Variants in FRMPD4 observed in about 807,000 individuals in gnomAD.
FRMPD4 encodes the protein FERM and PDZ domain containing 4, also known as FERM and PDZ domain-containing protein 4.
A neutral mutation model predicts 94.1 loss-of-function variants in FRMPD4; 22 were observed. The ratio of observed to expected loss-of-function variants is 0.23; its 90% CI spans 0.17 to 0.33. The LOEUF (loss-of-function observed/expected upper bound fraction) is 0.33, where lower values mean the gene tolerates loss of function less well. Ranked by LOEUF, FRMPD4 falls within the 10% of genes least tolerant of loss-of-function variation. FRMPD4 has a pLI of 1.00. For synonymous variants in FRMPD4, 631 were observed against 548.6 expected (o/e 1.15, Z -2.10); for missense variants, 1,111 against 1,339.9 (o/e 0.83, Z 2.67).
chrX:12,096,158 A>G (rs2147503055), intron 3 of FRMPD4, among the ~76,000 whole-genome samples: 1 of 112,738 alleles, frequency 8.9e-6, no homozygotes, highest in African/African-American at 3.2e-5. Flanking sequence ...TTAAAACATT[A>G]TATCGGAAAC....
intron 3 of FRMPD4, among the ~76,000 whole-genome samples, chrX:12,068,378 G>GTTT (rs58093008): frequency 1.1e-4 from 12 of 110,409 alleles, no homozygotes; most frequent in African/African-American, 3.9e-4. Flanking sequence ...TAAAAATTTT[G>GTTT]TTTTTTTTCA....
chrX:11,990,923 G>T (rs1469509216), intron 3 of FRMPD4, among the ~76,000 whole-genome samples: 3 of 111,333 alleles, frequency 2.7e-5, no homozygotes, highest in Admixed American at 9.6e-5. Flanking sequence ...TTTGTTGGGA[G>T]AATTCATTTT....
At chrX:12,047,473 G>A (rs934921357) in intron 3 of FRMPD4, among the ~76,000 whole-genome samples, 160 of 111,640 alleles carry the variant, frequency 1.4e-3, no homozygotes, top group African/African-American at 5.0e-3. Context: ...GTATATGTGT[G>A]TGTACATACC....
At chrX:12,285,714 C>G (rs750485089) in intron 1 of FRMPD4, among the ~76,000 whole-genome samples, 2 of 112,026 alleles carry the variant, frequency 1.8e-5, no homozygotes, top group African/African-American at 6.5e-5. Context: ...CATTTGAATA[C>G]TTGCTTGCTT....
chrX:11,976,171 T>A (rs1174212639), intron 3 of FRMPD4, among the ~76,000 whole-genome samples: 1 of 111,674 alleles, frequency 9.0e-6, no homozygotes, highest in Non-Finnish European at 1.9e-5. Context: ...TTCCCTGACA[T>A]TGAAATGGGG....
intron 3 of FRMPD4, among the ~76,000 whole-genome samples, chrX:12,121,136 A>T (rs2055450705): frequency 9.2e-6 from 1 of 109,180 alleles, no homozygotes; most frequent in Admixed American, 9.9e-5. Context: ...AATAATACTA[A>T]GACTTTATTT....
Position 12,009,237 on chromosome X carries a change from A to G in FRMPD4, c.95+131219A>G, listed in dbSNP as rs745311195. 9.8e-5 allele frequency among the ~76,000 whole-genome samples: 11 copies of G among 112,522 alleles called. No individual in the cohort carries two copies. In the South Asian group the frequency reaches 3.7e-3, roughly 38 times the overall value. ...TCTGTTGATTATTTCACAATGCATA[A>G]TATGTCAAAATGTCAAGTTGTACAC... On this transcript the variant is annotated intron_variant, in intron 3 of 18. Coordinates refer to the FRMPD4 transcript ENST00000640291.
intron 3 of FRMPD4, among the ~76,000 whole-genome samples, chrX:12,041,394 G>A (rs988328366): frequency 8.9e-6 from 1 of 111,867 alleles, no homozygotes; most frequent in Admixed American, 9.5e-5. Context: ...TCACAGTAAT[G>A]TTATTTCATC....
intron 2 of FRMPD4, among the ~76,000 whole-genome samples, chrX:12,560,742 C>CTTTTTTTTTTTTT (rs749269384): frequency 4.6e-5 from 2 of 43,449 alleles, no homozygotes; most frequent in Non-Finnish European, 4.3e-5. Context: ...CTCCCCTCAT[C>CTTTTTTTTTTTTT]TTTTTTTTTT....
intron 3 of FRMPD4, among the ~76,000 whole-genome samples, chrX:12,000,499 C>T (rs1205110343): frequency 1.8e-5 from 2 of 111,720 alleles, no homozygotes; most frequent in Non-Finnish European, 3.8e-5. Flanking sequence ...TATAATAGTT[C>T]GAAGATAGAT....
intron 1 of FRMPD4, among the ~76,000 whole-genome samples, chrX:12,235,193 A>C (rs2057057677): frequency 8.9e-6 from 1 of 112,013 alleles, no homozygotes; most frequent in Admixed American, 9.5e-5. Context: ...TGAGCTCATC[A>C]AATGGCAGCC....
chrX:12,346,566 A>G (rs756633983), intron 1 of FRMPD4, among the ~76,000 whole-genome samples: 22 of 111,860 alleles, frequency 2.0e-4, no homozygotes, highest in Non-Finnish European at 3.8e-4. Context: ...TGATGTAAGT[A>G]TATTCCCTCC....
In FRMPD4 at chrX:12,261,204, T is replaced by TTAA. The variant is rs2054183673; in HGVS notation, c.41+122192_41+122193insTAA. On this transcript the variant is annotated intron_variant, in intron 1 of 16. Coordinates refer to ENST00000675598, the MANE Select transcript of FRMPD4 (RefSeq NM_001368397.1). ...TGAGTCTGGATATAATCATAGATGA[T>TTAA]AGCTCATCACCTTTAAATCCCAAAA... Among the ~76,000 whole-genome samples the TTAA allele has an allele frequency of 4.5e-5, 5 of 112,089 alleles. No homozygotes were observed. The Admixed American group carries it at 4.7e-4, about 11-fold the overall frequency.
intron 1 of FRMPD4, among the ~76,000 whole-genome samples, chrX:12,457,661 T>G (rs1035133791): frequency 8.9e-6 from 1 of 112,219 alleles, no homozygotes; most frequent in Non-Finnish European, 1.9e-5. Context: ...ATTTCCTTTC[T>G]GCAAATGATA....
chrX:12,209,527 T>C (rs1330143068), intron 1 of FRMPD4, among the ~76,000 whole-genome samples: 1 of 112,150 alleles, frequency 8.9e-6, no homozygotes, highest in Non-Finnish European at 1.9e-5. Context: ...AGACTTATCT[T>C]TTTTCACTGC....
At chrX:12,690,739 A>T (rs910997496) in intron 8 of FRMPD4, among the ~76,000 whole-genome samples, 11 of 111,653 alleles carry the variant, frequency 9.9e-5, no homozygotes, top group African/African-American at 3.3e-4. Context: ...CATACTTAAG[A>T]CTATTTTTGG....
intron 9 of FRMPD4, among the ~76,000 whole-genome samples, chrX:12,696,983 CCAGT>C (rs1158413349): frequency 9.0e-6 from 1 of 110,624 alleles, no homozygotes; most frequent in African/African-American, 3.3e-5. Context: ...CAGGGTGAGG[CCAGT>C]CAAATTTTCC....
chrX:11,955,452 C>A (rs1569132125), intron 3 of FRMPD4, among the ~76,000 whole-genome samples: 3 of 108,351 alleles, frequency 2.8e-5, no homozygotes, highest in Admixed American at 9.8e-5. Flanking sequence ...CACAGTGAGA[C>A]CCCATCTCAA....
intron 1 of FRMPD4, among the ~76,000 whole-genome samples, chrX:12,176,221 G>A: frequency 8.9e-6 from 1 of 112,093 alleles, no homozygotes; most frequent in Admixed American, 9.5e-5. Context: ...TGGGCATCAG[G>A]ATTTTCAAAA....
Sources: allele counts gnomAD v4.1 joint callset (sites outside exome capture counted in the v4.1 genomes callset), GRCh38; gene constraint gnomAD v4.1.1; transcripts MANE v1.5; gene names NCBI Gene and HGNC (gene_info 2026-07-23, HGNC 2026-07-21).